NDP: variants seen among roughly 807,000 people sequenced by gnomAD.
NDP encodes norrin cystine knot growth factor NDP.
NDP carries 2 observed loss-of-function variants against 8.4 expected under a neutral mutation model. The observed-to-expected ratio is 0.24, with a 90% CI of 0.10 to 0.75. The LOEUF is 0.75. Among genes scored for constraint, NDP ranks in the 30% least tolerant of loss-of-function variants. The pLI is 0.73. For missense variants in NDP, 81 were observed against 110.1 expected (o/e 0.74, Z 1.18); for synonymous variants, 55 against 45.6 (o/e 1.21, Z -0.83).
intron 1 of NDP, among the ~76,000 whole-genome samples, chrX:43,967,942 GA>G (rs1186476535): frequency 2.5e-4 from 26 of 104,906 alleles, no homozygotes; most frequent in Non-Finnish European, 3.7e-4. Context: ...AGCTTTTGTG[GA>G]AAAAAAAAAG....
chrX:43,967,825 G>T (rs1049428577), intron 1 of NDP, among the ~76,000 whole-genome samples: 1 of 110,743 alleles, frequency 9.0e-6, no homozygotes, highest in African/African-American at 3.3e-5. Context: ...TTAGCCTGTT[G>T]CCCTTTCATT....
intron 2 of NDP, among the ~76,000 whole-genome samples, chrX:43,953,159 C>CACACACACACACACAA (rs2035772463): frequency 9.0e-6 from 1 of 110,926 alleles, no homozygotes; most frequent in Non-Finnish European, 1.9e-5. Context: ...CACACACACA[C>CACACACACACACACAA]TCCTAGAAGG....
intron 2 of NDP, among the ~76,000 whole-genome samples, chrX:43,957,168 A>T (rs955582367): frequency 9.0e-6 from 1 of 111,682 alleles, no homozygotes; most frequent in Non-Finnish European, 1.9e-5. Flanking sequence ...CTGAAGGGGG[A>T]GGGAAGGAGA....
intron 2 of NDP, among the ~76,000 whole-genome samples, chrX:43,957,484 A>T (rs1320321692): frequency 1.8e-5 from 2 of 110,922 alleles, no homozygotes; most frequent in African/African-American, 6.6e-5. Flanking sequence ...ACTAAAATGA[A>T]TCATCATCAC....
At chrX:43,952,646 T>C (rs2035769568) in intron 2 of NDP, among the ~76,000 whole-genome samples, 1 of 111,767 alleles carries the variant, frequency 8.9e-6, no homozygotes, top group Non-Finnish European at 1.9e-5. Flanking sequence ...GTTTTCAGGA[T>C]GTCCAGCTCC....
rs2035748796 is a variant in NDP, at chrX:43,949,700, A to G, written c.*99T>C. On this transcript the variant is annotated 3_prime_UTR_variant, in exon 3 of 3. Transcript: ENST00000642620. ...TGCAGAGTCCCGGGAGAATTGTTGC[A>G]TCCTTTTTTGCCTTAACTCTTTTCT... 2 of 785,013 alleles carry G rather than the reference A, an allele frequency of 2.5e-6. No individual in the cohort carries two copies. The highest frequency in any genetic ancestry group is 3.8e-6 in the Non-Finnish European group (2 of 526,759). 64.7% of individuals were successfully genotyped at this position (785,013 alleles called of 1,213,427 possible).
Position 43,949,937 on chromosome X carries a change from G to C in NDP, c.264C>G (p.Pro88=), listed in dbSNP as rs1182578409. ...GGCAGCAGTGACAGGAGGAACGGAA[G>C]GGTTGCTTGAGGACAGTGCTGAACG... The part of the protein sequence containing the change: ...LVSFSTVLKQ[P]FRSSCHCCRP... The change falls in exon 3 of 3, where the codon CCC becomes CCG. Residue 88 remains proline (P), a synonymous_variant. Transcript: ENST00000642620. The C allele has an allele frequency of 1.7e-6, 2 of 1,205,973 alleles. No homozygotes were observed. Among genetic ancestry groups the C allele is most frequent in the Admixed American group, 2.2e-5 (1 of 45,448 alleles).
chrX:43,966,155 C>T (rs755587497), intron 1 of NDP, among the ~76,000 whole-genome samples: 1 of 112,018 alleles, frequency 8.9e-6, no homozygotes, highest in African/African-American at 3.2e-5. Flanking sequence ...TTGATTATTT[C>T]TGTAAATCCA....
chrX:43,970,387 G>A (rs1478744318), intron 1 of NDP, among the ~76,000 whole-genome samples: 1 of 112,371 alleles, frequency 8.9e-6, no homozygotes, highest in African/African-American at 3.2e-5. Flanking sequence ...GAAGGCCGCT[G>A]GCCAAGAAGC....
chrX:43,958,055 G>GTTA (rs1394246257), intron 2 of NDP, among the ~76,000 whole-genome samples: 1 of 111,114 alleles, frequency 9.0e-6, no homozygotes, highest in South Asian at 3.9e-4. Context: ...CACAAAGCCA[G>GTTA]TTATTTCACC....
At chrX:43,954,969 T>A (rs2035784090) in intron 2 of NDP, among the ~76,000 whole-genome samples, 1 of 111,078 alleles carries the variant, frequency 9.0e-6, no homozygotes, top group Non-Finnish European at 1.9e-5. Flanking sequence ...ATCCCCTCCC[T>A]GGCCCAAGTC....
intron 1 of NDP, among the ~76,000 whole-genome samples, chrX:43,963,812 A>G (rs1281767232): frequency 8.9e-6 from 1 of 112,565 alleles, no homozygotes. Context: ...TGTAAACAGC[A>G]TGTTGGATTT....
chrX:43,954,060 G>A (rs990452957), intron 2 of NDP, among the ~76,000 whole-genome samples: 1 of 112,193 alleles, frequency 8.9e-6, no homozygotes, highest in African/African-American at 3.2e-5. Context: ...GCATTTTTGC[G>A]ATTTTACTCC....
At chrX:43,965,460 T>C (rs2035852386) in intron 1 of NDP, among the ~76,000 whole-genome samples, 1 of 111,063 alleles carries the variant, frequency 9.0e-6, no homozygotes, top group Non-Finnish European at 1.9e-5. Context: ...ATAATAATAA[T>C]AATTTGAAGT....
chrX:43,972,116 A>G (rs998139671), intron 1 of NDP, among the ~76,000 whole-genome samples: 3 of 111,920 alleles, frequency 2.7e-5, no homozygotes, highest in Non-Finnish European at 5.6e-5. Context: ...AGCTCCTTGT[A>G]ATTAAAATAC....
chrX:43,952,542 A>C (rs1239662124), intron 2 of NDP, among the ~76,000 whole-genome samples: 1 of 112,031 alleles, frequency 8.9e-6, no homozygotes, highest in Non-Finnish European at 1.9e-5. Context: ...CGTAGGCCTA[A>C]CTGACTGGGC....
rs1411127827 is a variant in NDP, at chrX:43,958,628, T to C, written c.18A>G (p.Leu6=). 3.3e-6 allele frequency: 4 copies of C among 1,209,912 alleles called. No individual in the cohort carries two copies. Among genetic ancestry groups the C allele is most frequent in the Middle Eastern group, 2.3e-4 (1 of 4,363 alleles). MRKHV[L]AASFSMLSLL... is the part of the protein sequence containing the mutation. ...GGGAGAGCATAGAAAAGGATGCAGC[T>C]AGTACATGTTTTCTCATTGTTGTAA... Residue 6 remains leucine (L), a synonymous_variant, in exon 2 of 3, where the codon CTA becomes CTG. Coordinates refer to ENST00000642620, the MANE Select transcript of NDP (RefSeq NM_000266.4).
intron 2 of NDP, among the ~76,000 whole-genome samples, chrX:43,957,026 A>G (rs2035797547): frequency 8.9e-6 from 1 of 112,036 alleles, no homozygotes; most frequent in Non-Finnish European, 1.9e-5. Context: ...CCTTTCTATC[A>G]TCATAGTGAC....
Position 43,949,838 on chromosome X carries a change from C to T in NDP, c.363G>A (p.Arg121=). 1 of 1,186,800 alleles carries T rather than the reference C, an allele frequency of 8.4e-7. No homozygotes were observed. The highest frequency in any genetic ancestry group is 3.1e-5 in the East Asian group (1 of 32,373). The change falls in exon 3 of 3, where the codon CGG becomes CGA. Residue 121 remains arginine, a synonymous_variant. Transcript: ENST00000642620. ...SGGMRLTATY[R]YILSCHCEEC... ...CCTCGCAGTGACAGGAGAGGATGTA[C>T]CGGTAGGTGGCAGTGAGTCGCATGC...
Sources: gnomAD v4.1 joint callset for allele counts (sites outside exome capture counted in the v4.1 genomes callset) on GRCh38, gnomAD v4.1.1 for gene constraint, MANE v1.5 for transcripts, NCBI Gene and HGNC (gene_info 2026-07-23, HGNC 2026-07-21) for gene names.